Variants in SENP6 observed in about 807,000 individuals in gnomAD.
The protein encoded by SENP6 is sentrin-specific protease 6.
A neutral mutation model predicts 134.5 loss-of-function variants in SENP6; 41 were observed. That is an observed-to-expected ratio of 0.30 (90% CI 0.24 to 0.40). The LOEUF (loss-of-function observed/expected upper bound fraction) is 0.40. Among genes scored for constraint, SENP6 ranks in the 10% least tolerant of loss-of-function variants. SENP6 has a pLI of 1.00. For synonymous variants in SENP6, 395 were observed against 429.8 expected, an observed-to-expected ratio of 0.92 and a Z score of 1.00; for missense variants, 1,248 against 1,312.5, an observed-to-expected ratio of 0.95 and a Z score of 0.76.
chr6:75,693,631 A>C (rs1034534556), intron 16 of SENP6, among the ~76,000 whole-genome samples: 9 of 152,264 alleles, frequency 5.9e-5, no homozygotes, highest in African/African-American at 2.2e-4. Flanking sequence ...AGTTGCCTGA[A>C]AGCAAGAAAT....
chr6:75,711,183 C>A, intron 20 of SENP6, 145 bp from the exon 21 acceptor site: 1 of 521,108 alleles, frequency 1.9e-6, no homozygotes. Context: ...AGTAACATAC[C>A]ACATCTCTAG....
At chr6:75,617,771 A>G (rs991964853) in intron 1 of SENP6, among the ~76,000 whole-genome samples, 5 of 152,166 alleles carry the variant, frequency 3.3e-5, no homozygotes, top group African/African-American at 1.2e-4. Flanking sequence ...CGAGAGTCCA[A>G]TCCAGGACTT....
intron 16 of SENP6, among the ~76,000 whole-genome samples, chr6:75,682,051 G>A (rs944792264): frequency 1.3e-5 from 2 of 151,938 alleles, no homozygotes; most frequent in African/African-American, 4.8e-5. Flanking sequence ...GAAAGAAAAA[G>A]GATGGAAAAG....
At chr6:75,661,919 G>C (rs1174050797) in intron 8 of SENP6, among the ~76,000 whole-genome samples, 1 of 152,180 alleles carries the variant, frequency 6.6e-6, no homozygotes, top group Non-Finnish European at 1.5e-5. Flanking sequence ...GAGCATGGTG[G>C]TGGGCACCTG....
At chr6:75,613,689 A>G (rs992491422) in intron 1 of SENP6, among the ~76,000 whole-genome samples, 5 of 152,114 alleles carry the variant, frequency 3.3e-5, no homozygotes, top group African/African-American at 1.2e-4. Context: ...CTTTGAAAGT[A>G]AATTTCAGAC....
intron 16 of SENP6, among the ~76,000 whole-genome samples, chr6:75,690,252 A>G (rs1451957920): frequency 6.6e-6 from 1 of 152,230 alleles, no homozygotes; most frequent in East Asian, 1.9e-4. Context: ...ACCCATGTTC[A>G]TAACAGCATT....
rs532199757 is a variant in SENP6 at position 75,706,099 on chromosome 6, A to C, written c.2716+3027A>C. On this transcript the variant is annotated intron_variant, in intron 19 of 23. Transcript: ENST00000447266. The stretch of plus-strand genomic sequence containing the variant: ...TGGGATTACGGGTGCGCACCACCTC[A>C]CCCGACCTGTTGAGCTCTTGTAAGA... 1.1e-4 allele frequency among the ~76,000 whole-genome samples: 17 copies of C among 150,982 alleles called. No individual in the cohort carries two copies. In the East Asian group the frequency reaches 3.3e-3, roughly 29 times the overall value.
intron 3 of SENP6, among the ~76,000 whole-genome samples, chr6:75,632,086 AG>A (rs2149836843): frequency 6.6e-6 from 1 of 152,352 alleles, no homozygotes; most frequent in African/African-American, 2.4e-5. Flanking sequence ...ATTGCTGCAT[AG>A]TACCAGAGTT....
At chr6:75,715,250 A>G in intron 23 of SENP6, 135 bp from the exon 24 acceptor site, 1 of 661,096 alleles carries the variant, frequency 1.5e-6, no homozygotes, top group Non-Finnish European at 2.7e-6. Context: ...AGTACTTGGC[A>G]TGTGATAGAT....
chr6:75,702,474 T>A (rs2149899669), intron 18 of SENP6, among the ~76,000 whole-genome samples, 171 bp from the exon 19 acceptor site: 1 of 152,286 alleles, frequency 6.6e-6, no homozygotes, highest in Admixed American at 6.5e-5. Context: ...CACCTCAGCC[T>A]CCCAAAGTGC....
intron 21 of SENP6, among the ~76,000 whole-genome samples, chr6:75,712,003 T>G (rs1216518572): frequency 6.6e-6 from 1 of 152,186 alleles, no homozygotes; most frequent in Non-Finnish European, 1.5e-5. Context: ...ACTATTCCTT[T>G]TTACCTACAA....
intron 6 of SENP6, among the ~76,000 whole-genome samples, chr6:75,645,472 CA>C (rs1238968332): frequency 2.0e-5 from 3 of 152,246 alleles, no homozygotes; most frequent in African/African-American, 7.2e-5. Context: ...CAAAAATTAG[CA>C]CAGCATGGTG....
chr6:75,624,701 T>C (rs1011312955), intron 3 of SENP6, among the ~76,000 whole-genome samples: 6 of 152,232 alleles, frequency 3.9e-5, no homozygotes, highest in Non-Finnish European at 8.8e-5. Flanking sequence ...TTGCCCATTT[T>C]TCTATCTGGT....
At chr6:75,615,417 T>G (rs559742252) in intron 1 of SENP6, among the ~76,000 whole-genome samples, 4 of 152,134 alleles carry the variant, frequency 2.6e-5, no homozygotes, top group South Asian at 2.1e-4. Context: ...TGACCTCAAG[T>G]GATCCACCCA....
chr6:75,607,404 T>TG (rs1169294529), intron 1 of SENP6, among the ~76,000 whole-genome samples: 1 of 152,172 alleles, frequency 6.6e-6, no homozygotes, highest in Non-Finnish European at 1.5e-5. Flanking sequence ...AGGTGATTGA[T>TG]GGTGGCTAGC....
intron 5 of SENP6, among the ~76,000 whole-genome samples, chr6:75,639,909 T>C (rs1008839108): frequency 2.6e-5 from 4 of 152,214 alleles, no homozygotes; most frequent in African/African-American, 9.6e-5. Flanking sequence ...TTATAACTTC[T>C]AGGAAATGCT....
intron 2 of SENP6, among the ~76,000 whole-genome samples, chr6:75,623,059 TA>T (rs1768393496): frequency 6.6e-6 from 1 of 152,210 alleles, no homozygotes. Flanking sequence ...AGAGACTTTT[TA>T]ATCATTAAAA....
chr6:75,652,683 C>CAAAAAAAAAAAAAAAAA (rs71002754), intron 7 of SENP6, among the ~76,000 whole-genome samples: 25 of 75,860 alleles, frequency 3.3e-4, no homozygotes, highest in African/African-American at 4.4e-4. Flanking sequence ...CTAAAAATCT[C>CAAAAAAAAAAAAAAAAA]AAAAAAAAAA....
intron 5 of SENP6, among the ~76,000 whole-genome samples, chr6:75,637,663 A>C (rs775707020): frequency 1.4e-4 from 22 of 152,106 alleles, no homozygotes; most frequent in African/African-American, 2.7e-4. Context: ...AAAAAGACTT[A>C]TAAGAACCTT....
Sources: allele counts gnomAD v4.1 joint callset (sites outside exome capture counted in the v4.1 genomes callset), GRCh38; gene constraint gnomAD v4.1.1; transcripts MANE v1.5; gene names NCBI Gene and HGNC (gene_info 2026-07-23, HGNC 2026-07-21).